The following SLC4A3 variants were observed in gnomAD, a reference collection of about 807,000 sequenced individuals.
The protein encoded by SLC4A3 is anion exchange protein 3.
A neutral mutation model predicts 114.2 loss-of-function variants in SLC4A3; 47 were observed. That is an observed-to-expected ratio of 0.41 (90% CI 0.33 to 0.52). SLC4A3 has a LOEUF of 0.52. SLC4A3 is among the 20% of genes least tolerant of loss of function. SLC4A3 has a pLI of 0.21. For missense variants in SLC4A3, 1,312 were observed against 1,668.3 expected (o/e 0.79, Z 3.72); for synonymous variants, 693 against 710.3 (o/e 0.98, Z 0.39).
chr2:219,639,855 C>T lies in SLC4A3; in HGVS notation c.3277+120C>T. On this transcript the variant is annotated intron_variant, in intron 20 of 22. Transcript: ENST00000358055. The surrounding 1 kb of genome is among the most constrained non-coding windows in gnomAD (Gnocchi z 5.9). ...GCTGTGTGTTGCCCTCAATCTGACC[C>T]CCAAACCTGCTTCCCAGCACTCCCC... is the stretch of plus-strand genomic sequence containing the variant. The T allele has an allele frequency of 7.6e-7, 1 of 1,313,852 alleles. No homozygotes were observed. Among genetic ancestry groups the T allele is most frequent in the African/African-American group, 1.4e-5 (1 of 69,136 alleles). The allele number at this position is 1,313,852 out of a possible 1,614,324, so 81.4% of individuals were successfully genotyped here.
Position 219,628,530 on chromosome 2 carries a change from C to T in SLC4A3, c.177C>T (p.Pro59=), listed in dbSNP as rs774257177. 1.1e-5 allele frequency: 18 copies of T among 1,613,438 alleles called. No homozygotes were observed. The highest frequency in any genetic ancestry group is 2.2e-5 in the East Asian group (1 of 44,856). The change falls in exon 3 of 23, where the codon CCC becomes CCT. Residue 59 remains proline (P), a synonymous_variant. Coordinates refer to ENST00000358055, the MANE Select transcript of SLC4A3 (RefSeq NM_005070.4). This position sits in a 1 kb window ranked among gnomAD's most constrained non-coding sequence, Gnocchi z 4.8. The stretch of plus-strand genomic sequence containing the variant: ...TCAGCAAGCCCCCGGCCTGGGACCC[C>T]GAGAAGCCCAGCCGCAGCTACAGCG... ...DLISKPPAWD[P]EKPSRSYSER...
chr2:219,631,391 T>G lies in SLC4A3; in HGVS notation c.812-577T>G. The G allele has an allele frequency of 7.7e-7, 1 of 1,304,238 alleles. No homozygotes were observed. The highest frequency in any genetic ancestry group is 1.0e-6 in the Non-Finnish European group (1 of 988,928). The allele number at this position is 1,304,238 out of a possible 1,614,324, so 80.8% of individuals were successfully genotyped here. A position where few individuals can be genotyped will look rare whatever the true frequency, so the allele number is the denominator to read the frequency against. ...ACTTAGAGATGTTTGTGCTGGACTT[T>G]GAGGATGGTGACCTGTGGGAGTCCA... On this transcript the variant is annotated intron_variant, in intron 6 of 22. Coordinates refer to ENST00000358055, the MANE Select transcript of SLC4A3 (RefSeq NM_005070.4). This position sits in a 1 kb window ranked among gnomAD's most constrained non-coding sequence, Gnocchi z 6.3.
At position 219,641,790 on chromosome 2, in the gene SLC4A3, G is replaced by C; in HGVS notation, c.*62G>C. On this transcript the variant is annotated 3_prime_UTR_variant, in exon 23 of 23. Transcript: ENST00000358055. The surrounding 1 kb of genome is among the most constrained non-coding windows in gnomAD (Gnocchi z 4.0). ...TTAGGGATTGACACCTGGGCCTCAG[G>C]CAGAGCCCAGCCCTGGGCTGGGGGG... 7.2e-7 allele frequency: 1 copy of C among 1,389,070 alleles called. No homozygotes were observed. The highest frequency in any genetic ancestry group is 1.0e-6 in the Non-Finnish European group (1 of 976,904). 86.0% of individuals were successfully genotyped at this position (1,389,070 alleles called of 1,614,324 possible).
In SLC4A3 at chr2:219,639,712, G is replaced by T; in HGVS notation, c.3254G>T (p.Gly1085Val). ...GAGGTGCGGGAGCAGCGGGTCACTG[G>T]TGTGCTCATCGCCAGCCTCGTGGGT... ...IQEVREQRVT[G>V]VLIASLVGLS... The change falls in exon 20 of 23, where the codon GGT (glycine) becomes GTT (valine). Residue 1085 changes from glycine (G) to valine (V), a missense_variant. By Grantham distance (109) the Gly-to-Val change is moderately radical. Transcript: ENST00000358055. This position sits in a 1 kb window ranked among gnomAD's most constrained non-coding sequence, Gnocchi z 5.9. 6.2e-7 allele frequency: 1 copy of T among 1,609,610 alleles called. No individual in the cohort carries two copies.
In SLC4A3 at chr2:219,633,914, G is replaced by A. The variant is rs974136677; in HGVS notation, c.1496G>A (p.Arg499Gln). The stretch of plus-strand genomic sequence containing the variant: ...CACATGCCTGGGGGAGATGGTCACC[G>A]GGGGAAAAGCCTGAAGCTGCTGGAG... ...PLHMPGGDGH[R>Q]GKSLKLLEKI... The change falls in exon 11 of 23, where the codon CGG (arginine) becomes CAG (glutamine). Residue 499 changes from arginine (R) to glutamine (Q), a missense_variant. Transcript: ENST00000358055. 9 of 1,561,134 alleles carry A rather than the reference G, an allele frequency of 5.8e-6. No individual in the cohort carries two copies. Among genetic ancestry groups the A allele is most frequent in the African/African-American group, 5.4e-5 (4 of 73,826 alleles).
Position 219,636,830 on chromosome 2 carries a change from A to T in SLC4A3, c.2491A>T (p.Ile831Phe). ...PFTQEIFAFL[I>F]SLIFIYETFY... ...CACCCAGGAGATCTTTGCCTTTCTC[A>T]TCTCACTCATTTTCATCTACGAGAC... The change falls in exon 16 of 23, where the codon ATC becomes TTC. Residue 831 changes from isoleucine (I) to phenylalanine (F), a missense_variant. Around this residue, in one of 4 missense-constraint regions of SLC4A3, gnomAD observed 771 missense variants for 977.7 expected, o/e 0.79. Coordinates refer to ENST00000358055, the MANE Select transcript of SLC4A3 (RefSeq NM_005070.4). This position sits in a 1 kb window ranked among gnomAD's most constrained non-coding sequence, Gnocchi z 5.5. 1 of 1,613,912 alleles carries T rather than the reference A, an allele frequency of 6.2e-7. No individual in the cohort carries two copies. The highest frequency in any genetic ancestry group is 8.5e-7 in the Non-Finnish European group (1 of 1,179,944).
rs1304953283 is a variant in SLC4A3 at position 219,632,254 on chromosome 2, C to T, written c.961-8C>T. Reference sequence around the variant, plus strand: ...CCCCTGGGCCCTCACCTTTGGCACGCCCCCCAGGTGTTCGTGGAGCTGAAC... The same window carrying T: ...CCCCTGGGCCCTCACCTTTGGCACGTCCCCCAGGTGTTCGTGGAGCTGAAC... On this transcript the variant is annotated splice_polypyrimidine_tract_variant and splice_region_variant and intron_variant, in intron 7 of 22. Coordinates refer to ENST00000358055, the MANE Select transcript of SLC4A3 (RefSeq NM_005070.4). 6 of 1,613,776 alleles carry T rather than the reference C, an allele frequency of 3.7e-6. No homozygotes were observed. Among genetic ancestry groups the T allele is most frequent in the Non-Finnish European group, 4.2e-6 (5 of 1,179,930 alleles).
intron 9 of SLC4A3, 69 bp from the exon 10 acceptor site, chr2:219,633,205 C>T (rs1438562549): frequency 3.4e-6 from 5 of 1,451,956 alleles, no homozygotes; most frequent in Non-Finnish European, 3.8e-6. Flanking sequence ...TGACCCTCCA[C>T]TACTCACCTC....
rs778237030 is a variant in SLC4A3 at position 219,638,729 on chromosome 2, A to G, written c.2883A>G (p.Ser961=). The G allele has an allele frequency of 6.2e-7, 1 of 1,614,140 alleles. No individual in the cohort carries two copies. Among genetic ancestry groups the G allele is most frequent in the East Asian group, 2.2e-5 (1 of 44,862 alleles). Residue 961 remains serine, a synonymous_variant, in exon 19 of 23, where the codon TCA becomes TCG. Transcript: ENST00000358055. The surrounding 1 kb of genome is among the most constrained non-coding windows in gnomAD (Gnocchi z 7.5). ...TQKLTVPTGL[S]VTSPDKRSWF... ...AGCTGACAGTGCCTACAGGGCTCTC[A>G]GTGACCTCTCCCGATAAGCGCTCGT...
At position 219,636,476 on chromosome 2, in the gene SLC4A3, A is replaced by G. The variant is rs1699122625; in HGVS notation, c.2340+26A>G. ...GTGAGGCGAAGCCTTGCCCTGCTCC[A>G]TCCATCCTGCCCCACACTCTTCCTT... On this transcript the variant is annotated intron_variant, in intron 15 of 22. Transcript: ENST00000358055. The surrounding 1 kb of genome is among the most constrained non-coding windows in gnomAD (Gnocchi z 5.5). The G allele has an allele frequency of 6.3e-7, 1 of 1,579,294 alleles. No homozygotes were observed. Among genetic ancestry groups the G allele is most frequent in the South Asian group, 1.2e-5 (1 of 84,156 alleles).
chr2:219,628,543 C>G lies in SLC4A3; in HGVS notation c.190C>G (p.Arg64Gly). ...GGCCTGGGACCCCGAGAAGCCCAGC[C>G]GCAGCTACAGCGAGCGGGACTTTGA... ...PPAWDPEKPS[R>G]SYSERDFEFH... Residue 64 changes from arginine (R) to glycine (G), a missense_variant, in exon 3 of 23, where the codon CGC becomes GGC. This residue lies in a region of SLC4A3 where 236 missense variants were observed against 212.1 expected (regional missense o/e 1.11). Transcript: ENST00000358055. The surrounding 1 kb of genome is among the most constrained non-coding windows in gnomAD (Gnocchi z 4.8). 1.2e-6 allele frequency: 2 copies of G among 1,613,472 alleles called. No homozygotes were observed. Among genetic ancestry groups the G allele is most frequent in the Non-Finnish European group, 1.7e-6 (2 of 1,179,874 alleles).
chr2:219,637,560 A>G lies in SLC4A3; in HGVS notation c.2536-21A>G, dbSNP rs768485833. 2.9e-6 allele frequency: 4 copies of G among 1,357,086 alleles called. No individual in the cohort carries two copies. The highest frequency in any genetic ancestry group is 2.1e-5 in the Admixed American group (1 of 48,578). The allele number at this position is 1,357,086 out of a possible 1,614,324, so 84.1% of individuals were successfully genotyped here. ...TCACCTGCCAGGTGAGTGACAAGGC[A>G]TCCTTGTTATCCACACACAGGTGTT... On this transcript the variant is annotated intron_variant, in intron 16 of 22. Transcript: ENST00000358055. The surrounding 1 kb of genome is among the most constrained non-coding windows in gnomAD (Gnocchi z 4.6).
chr2:219,629,731 C>T (rs1268429881), intron 5 of SLC4A3, 36 bp downstream of exon 5: 8 of 1,460,238 alleles, frequency 5.5e-6, no homozygotes, highest in Non-Finnish European at 7.6e-6. Context: ...AGGGCCCAGC[C>T]CAGAGCCACA....
rs78818375 is a variant in SLC4A3 at position 219,635,202 on chromosome 2, G to A, written c.1747-69G>A. The A allele has an allele frequency of 1.0e-4, 128 of 1,279,826 alleles. 1 individual carries two copies. The East Asian group carries it at 2.9e-3, about 29-fold the overall frequency. 79.3% of individuals were successfully genotyped at this position (1,279,826 alleles called of 1,614,324 possible). ...CCTGTAGCTCAGTGACCCAACACCC[G>A]CCTCAAGTCTCCCTCCTGGAGGCTC... On this transcript the variant is annotated intron_variant, in intron 12 of 22. Transcript: ENST00000358055.
chr2:219,631,236 A>G lies in SLC4A3; in HGVS notation c.812-732A>G, dbSNP rs1698907899. On this transcript the variant is annotated intron_variant, in intron 6 of 22. Coordinates refer to ENST00000358055, the MANE Select transcript of SLC4A3 (RefSeq NM_005070.4). This position sits in a 1 kb window ranked among gnomAD's most constrained non-coding sequence, Gnocchi z 6.3. Reference sequence around the variant, plus strand: ...GGAGGCCGAGGTCTCGGCCACCGGGAGAATGACGAGCCCACTGGAGAAGGA... The same window carrying G: ...GGAGGCCGAGGTCTCGGCCACCGGGGGAATGACGAGCCCACTGGAGAAGGA... 2 of 1,254,638 alleles carry G rather than the reference A, an allele frequency of 1.6e-6. No homozygotes were observed. Among genetic ancestry groups the G allele is most frequent in the Admixed American group, 5.2e-5 (2 of 38,334 alleles). The allele number at this position is 1,254,638 out of a possible 1,614,324, so 77.7% of individuals were successfully genotyped here. A position where few individuals can be genotyped will look rare whatever the true frequency, so the allele number is the denominator to read the frequency against.
chr2:219,628,096 C>G lies in SLC4A3; in HGVS notation c.51+53C>G. On this transcript the variant is annotated intron_variant, in intron 2 of 22. Transcript: ENST00000358055. This position sits in a 1 kb window ranked among gnomAD's most constrained non-coding sequence, Gnocchi z 4.8. ...GAGATGGGGGAGGAGAGGGGAGGGA[C>G]CTTAGGGTGGGCAGAGGAGTCCTCT... is the stretch of plus-strand genomic sequence containing the variant. The G allele has an allele frequency of 2.1e-6, 3 of 1,415,760 alleles. No homozygotes were observed. The highest frequency in any genetic ancestry group is 2.8e-6 in the Non-Finnish European group (3 of 1,058,256). The allele number at this position is 1,415,760 out of a possible 1,614,324, so 87.7% of individuals were successfully genotyped here.
At position 219,633,257 on chromosome 2, in the gene SLC4A3, C is replaced by T. The variant is rs1328909297; in HGVS notation, c.1278-17C>T. ...ATGAGCCTCTCCTCCTCACCTGCCT[C>T]ACCCTGCCCCTTCCAGCCATCCCAA... On this transcript the variant is annotated splice_polypyrimidine_tract_variant and intron_variant, in intron 9 of 22. Transcript: ENST00000358055. The T allele has an allele frequency of 6.5e-7, 1 of 1,542,664 alleles. No individual in the cohort carries two copies. The highest frequency in any genetic ancestry group is 1.4e-5 in the African/African-American group (1 of 73,198).
chr2:219,632,191 CT>C, intron 7 of SLC4A3, 70 bp from the exon 8 acceptor site: 1 of 1,608,296 alleles, frequency 6.2e-7, no homozygotes, highest in Non-Finnish European at 8.5e-7. Context: ...CTTTGCCCCC[CT>C]GCCTTGCCCC....
intron 10 of SLC4A3, 140 bp downstream of exon 10, chr2:219,633,597 C>A: frequency 1.2e-6 from 1 of 846,924 alleles, no homozygotes; most frequent in Non-Finnish European, 1.7e-6. Context: ...CTAGAGGAGA[C>A]CCGCATGAGG....
Sources: gnomAD v4.1 joint callset for allele counts on GRCh38, gnomAD v4.1.1 for gene constraint, gnomAD v4.1.1 regional missense constraint, Gnocchi (gnomAD v3.1) non-coding constraint, MANE v1.5 for transcripts, NCBI Gene and HGNC (gene_info 2026-07-23, HGNC 2026-07-21) for gene names.